The following PAQR3 variants were observed in gnomAD, a reference collection of about 807,000 sequenced individuals.
PAQR3 encodes progestin and adipoQ receptor family member 3, also known as Raf kinase trapping to Golgi.
Under a neutral mutation model 41.7 loss-of-function variants are expected in PAQR3, and 39 were observed. The ratio of observed to expected loss-of-function variants is 0.93; its 90% CI spans 0.72 to 1.22. The LOEUF (loss-of-function observed/expected upper bound fraction) is 1.22. PAQR3 is among the 50% of genes most tolerant of loss of function. The probability of loss-of-function intolerance (pLI) is 0.00; values close to 1 mark genes in which losing one functional copy is unlikely to be tolerated. For synonymous variants in PAQR3, 140 were observed against 140.6 expected, an observed-to-expected ratio of 1.00 and a Z score of 0.03; for missense variants, 366 against 385.6, an observed-to-expected ratio of 0.95 and a Z score of 0.42.
chr4:78,928,543 T>C (rs913687607), intron 3 of PAQR3, among the ~76,000 whole-genome samples: 1 of 152,252 alleles, frequency 6.6e-6, no homozygotes, highest in East Asian at 1.9e-4. Context: ...TTCTCTGTTA[T>C]TGTGTAGAGA....
rs373338118 is a variant in PAQR3, at chr4:78,892,955, G to A, written c.*837-4807C>T. Among the ~76,000 whole-genome samples the A allele has an allele frequency of 2.0e-5, 3 of 152,112 alleles. No homozygotes were observed. The East Asian group carries it at 5.8e-4, about 29-fold the overall frequency. ...GGTGTTGGTTGCTGAAAGAAGGGGT[G>A]GCTATGGTAATTTCTTAAAATAAGA... On this transcript the variant is annotated intron_variant and NMD_transcript_variant, in intron 11 of 12. Coordinates refer to the PAQR3 transcript ENST00000342820.
At position 78,919,114 on chromosome 4, in the gene PAQR3, G is replaced by A. The variant is rs1328934739; in HGVS notation, c.*1425C>T. ...TGGAAAAGAAACACAACATTTTACTGATGTATTAACTGAGGCACATTAGTG... is the reference window on the plus strand; with the variant it reads ...TGGAAAAGAAACACAACATTTTACTAATGTATTAACTGAGGCACATTAGTG... On this transcript the variant is annotated 3_prime_UTR_variant, in exon 6 of 6. Coordinates refer to ENST00000512733, the MANE Select transcript of PAQR3 (RefSeq NM_001040202.2). 2.0e-6 allele frequency: 2 copies of A among 984,688 alleles called. No individual in the cohort carries two copies. The highest frequency in any genetic ancestry group is 2.4e-6 in the Non-Finnish European group (2 of 829,538). The allele number at this position is 984,688 out of a possible 1,614,324, so 61.0% of individuals were successfully genotyped here.
chr4:78,936,629 T>A (rs1035106206), intron 1 of PAQR3, among the ~76,000 whole-genome samples: 3 of 152,194 alleles, frequency 2.0e-5, no homozygotes, highest in Non-Finnish European at 4.4e-5. Flanking sequence ...TCAGGCTTTA[T>A]CATGTACAAG....
Position 78,916,740 on chromosome 4 carries a change from A to G in PAQR3, c.*3799T>C, listed in dbSNP as rs1735113575. 6.6e-6 allele frequency: 1 copy of G among 151,852 alleles called. No homozygotes were observed. The highest frequency in any genetic ancestry group is 6.6e-5 in the Admixed American group (1 of 15,212). 9.4% of individuals were successfully genotyped at this position (151,852 alleles called of 1,614,324 possible). ...TTTAAAAATCTTTAAAACTGATAAC[A>G]TCTTTGGCTGAATTAATACTGGTTA... is the stretch of plus-strand genomic sequence containing the variant. On this transcript the variant is annotated 3_prime_UTR_variant, in exon 6 of 6. Coordinates refer to ENST00000512733, the MANE Select transcript of PAQR3 (RefSeq NM_001040202.2).
At chr4:78,923,483 T>C (rs1735873035) in intron 5 of PAQR3, 1 of 251,200 alleles carries the variant, frequency 4.0e-6, no homozygotes, top group South Asian at 5.2e-5. Flanking sequence ...TCTTGCTTTA[T>C]ATATCTCTGC....
intron 1 of PAQR3, among the ~76,000 whole-genome samples, chr4:78,937,458 A>G (rs775583386): frequency 2.6e-5 from 4 of 152,176 alleles, no homozygotes; most frequent in Admixed American, 1.3e-4. Flanking sequence ...CCAGCACCAC[A>G]TCTTCGTATT....
intron 11 of PAQR3, among the ~76,000 whole-genome samples, chr4:78,897,823 G>A (rs1733783635): frequency 6.6e-6 from 1 of 152,142 alleles, no homozygotes; most frequent in Non-Finnish European, 1.5e-5. Flanking sequence ...AGTTTTATCT[G>A]AAAATCTAAA....
At chr4:78,910,630 GAACA>G (rs1452065190), downstream of PAQR3, 1 of 1,542,302 alleles carries the variant, frequency 6.5e-7, no homozygotes, top group Admixed American at 2.2e-5. Flanking sequence ...AAAGAAAGCT[GAACA>G]TTCATCTATA....
chr4:78,938,535 C>T (rs887096591), intron 1 of PAQR3, among the ~76,000 whole-genome samples: 32 of 152,076 alleles, frequency 2.1e-4, no homozygotes, highest in Non-Finnish European at 3.8e-4. Context: ...ACCTTAGTAG[C>T]TTCATGAAAA....
chr4:78,900,915 T>G (rs1199502371), intron 11 of PAQR3, among the ~76,000 whole-genome samples: 2 of 152,158 alleles, frequency 1.3e-5, no homozygotes, highest in Non-Finnish European at 2.9e-5. Flanking sequence ...TTGCCTTTTA[T>G]GGCAGGTTAT....
intron 4 of PAQR3, among the ~76,000 whole-genome samples, chr4:78,924,340 G>A (rs894236142): frequency 6.6e-6 from 1 of 152,138 alleles, no homozygotes; most frequent in South Asian, 2.1e-4. Context: ...CAATATCCCA[G>A]ATAAATGGTC....
intron 1 of PAQR3, among the ~76,000 whole-genome samples, chr4:78,935,751 A>G (rs1183428027): frequency 6.6e-6 from 1 of 152,252 alleles, no homozygotes; most frequent in Non-Finnish European, 1.5e-5. Flanking sequence ...GTGCAAGGTT[A>G]GGCATCATCT....
intron 2 of PAQR3, among the ~76,000 whole-genome samples, chr4:78,933,429 G>C (rs1737115940): frequency 1.3e-5 from 1 of 77,804 alleles, no homozygotes; most frequent in Non-Finnish European, 4.2e-5. Context: ...GCATACAGAA[G>C]CATAGGAGTG....
intron 5 of PAQR3, chr4:78,921,624 C>T: frequency 1.1e-6 from 1 of 913,690 alleles, no homozygotes. Flanking sequence ...TCAATTCTAT[C>T]CATGGACACC....
chr4:78,930,143 G>A (rs527567786), intron 3 of PAQR3, 27 bp downstream of exon 3: 9 of 1,575,896 alleles, frequency 5.7e-6, no homozygotes, highest in Admixed American at 5.6e-5. Context: ...ATGAAAGGTC[G>A]AATGTAAAAT....
At chr4:78,926,428 T>A in intron 4 of PAQR3, 93 bp downstream of exon 4, 1 of 1,022,318 alleles carries the variant, frequency 9.8e-7, no homozygotes, top group Non-Finnish European at 1.5e-6. Context: ...GACAAACATC[T>A]ACCCACTTGG....
chr4:78,918,247 T>G lies in PAQR3; in HGVS notation c.*2292A>C, dbSNP rs1735285469. 1 of 925,244 alleles carries G rather than the reference T, an allele frequency of 1.1e-6. No homozygotes were observed. The highest frequency in any genetic ancestry group is 6.2e-5 in the Admixed American group (1 of 16,100). 57.3% of individuals were successfully genotyped at this position (925,244 alleles called of 1,614,324 possible). A position where few individuals can be genotyped will look rare whatever the true frequency, so the allele number is the denominator to read the frequency against. On this transcript the variant is annotated 3_prime_UTR_variant, in exon 6 of 6. Transcript: ENST00000512733. ...TGGATAGTATATTTTAATCTTACTTTAATCTATAAAAACAAAAATAACTTA... is the reference window on the plus strand; with the variant it reads ...TGGATAGTATATTTTAATCTTACTTGAATCTATAAAAACAAAAATAACTTA...
intron 11 of PAQR3, chr4:78,898,792 A>G (rs1194668788): frequency 6.6e-6 from 1 of 152,108 alleles, no homozygotes; most frequent in Non-Finnish European, 1.5e-5. Flanking sequence ...TAACAAAAAT[A>G]AGAAATAAAC....
Position 78,939,301 on chromosome 4 carries a change from G to C in PAQR3, c.-77C>G. On this transcript the variant is annotated 5_prime_UTR_variant, in exon 1 of 6. Transcript: ENST00000512733. ...TCCCCGGGGAGGGGGCTTCGCCGCTGGCGCCCCCGCCCCGGAGCCCGCGGA... is the reference window on the plus strand; with the variant it reads ...TCCCCGGGGAGGGGGCTTCGCCGCTCGCGCCCCCGCCCCGGAGCCCGCGGA... 1 of 1,382,364 alleles carries C rather than the reference G, an allele frequency of 7.2e-7. No individual in the cohort carries two copies. The highest frequency in any genetic ancestry group is 3.3e-5 in the Admixed American group (1 of 29,938). The allele number at this position is 1,382,364 out of a possible 1,614,324, so 85.6% of individuals were successfully genotyped here. A position where few individuals can be genotyped will look rare whatever the true frequency, so the allele number is the denominator to read the frequency against.
Sources: gnomAD v4.1 joint callset for allele counts (sites outside exome capture counted in the v4.1 genomes callset) on GRCh38, gnomAD v4.1.1 for gene constraint, MANE v1.5 for transcripts, NCBI Gene and HGNC (gene_info 2026-07-23, HGNC 2026-07-21) for gene names.